Variants in EPHA5 observed in about 807,000 individuals in gnomAD.
EPHA5 encodes the protein ephrin type-A receptor 5.
EPHA5 carries 60 observed loss-of-function variants against 105.0 expected under a neutral mutation model. That is an observed-to-expected ratio of 0.57 (90% CI 0.46 to 0.71). EPHA5 has a LOEUF of 0.71. Among genes scored for constraint, EPHA5 ranks in the 30% least tolerant of loss-of-function variants. EPHA5 has a pLI of 0.00. For synonymous variants in EPHA5, 513 were observed against 449.1 expected (o/e 1.14, Z -1.80); for missense variants, 1,218 against 1,274.7 (o/e 0.96, Z 0.68).
chr4:65,503,476 T>C (rs1444285277), intron 3 of EPHA5, among the ~76,000 whole-genome samples: 1 of 151,716 alleles, frequency 6.6e-6, no homozygotes, highest in African/African-American at 2.4e-5. Flanking sequence ...GTTTAAATGA[T>C]TGAAAACAAT....
chr4:65,439,372 G>A (rs1047964107), intron 5 of EPHA5, among the ~76,000 whole-genome samples: 2 of 151,918 alleles, frequency 1.3e-5, no homozygotes, highest in Admixed American at 6.6e-5. Context: ...AACATAAAAG[G>A]TGCACAATCT....
intron 1 of EPHA5, among the ~76,000 whole-genome samples, chr4:65,660,183 A>C (rs78918018): frequency 0.079 from 12,025 of 152,180 alleles, 758 homozygotes; most frequent in Non-Finnish European, 0.11. Flanking sequence ...TTTTTAAAAA[A>C]ATTCTGCCCT....
intron 5 of EPHA5, among the ~76,000 whole-genome samples, chr4:65,467,609 T>C (rs1322733786): frequency 6.6e-6 from 1 of 152,200 alleles, no homozygotes; most frequent in Admixed American, 6.5e-5. Context: ...GTCAGTGTGC[T>C]GATCTTCAGA....
intron 2 of EPHA5, 136 bp from the exon 3 acceptor site, chr4:65,602,440 G>C (rs1743831410): frequency 1.3e-5 from 8 of 616,606 alleles, no homozygotes; most frequent in Non-Finnish European, 2.1e-5. Flanking sequence ...TTTACAGAAG[G>C]AACTAGATAT....
intron 2 of EPHA5, 149 bp downstream of exon 2, chr4:65,643,214 A>G (rs1747820822): frequency 4.0e-6 from 2 of 496,344 alleles, no homozygotes; most frequent in Non-Finnish European, 7.2e-6. Context: ...GATTAGAGTT[A>G]TTTGAAGTCC....
intron 8 of EPHA5, among the ~76,000 whole-genome samples, chr4:65,384,738 T>G (rs1054424810): frequency 1.3e-5 from 2 of 151,944 alleles, no homozygotes. Flanking sequence ...TAATCTTTAC[T>G]AGTTCAATAA....
chr4:65,389,244 T>C (rs961887671), intron 8 of EPHA5, among the ~76,000 whole-genome samples: 2 of 152,092 alleles, frequency 1.3e-5, no homozygotes, highest in African/African-American at 2.4e-5. Flanking sequence ...CTTAAAAATA[T>C]AGCATTGTGG....
chr4:65,389,114 A>G (rs952546573), intron 8 of EPHA5, among the ~76,000 whole-genome samples: 4 of 152,050 alleles, frequency 2.6e-5, no homozygotes, highest in Admixed American at 6.6e-5. Flanking sequence ...TGTCTGAGGA[A>G]GATTGGACCT....
chr4:65,586,803 T>G (rs1742167189), intron 3 of EPHA5, among the ~76,000 whole-genome samples: 1 of 152,074 alleles, frequency 6.6e-6, no homozygotes. Context: ...TCTGGTAAAG[T>G]TATTGTAAGG....
At chr4:65,443,227 T>C (rs1726184752) in intron 5 of EPHA5, among the ~76,000 whole-genome samples, 1 of 151,976 alleles carries the variant, frequency 6.6e-6, no homozygotes, top group Non-Finnish European at 1.5e-5. Context: ...CATTACTTTT[T>C]TAAAAAGTGT....
At chr4:65,347,463 G>A (rs1044633764) in intron 14 of EPHA5, among the ~76,000 whole-genome samples, 3 of 152,134 alleles carry the variant, frequency 2.0e-5, no homozygotes, top group Non-Finnish European at 4.4e-5. Flanking sequence ...AATAAACGCT[G>A]TGAATTTGAA....
intron 3 of EPHA5, among the ~76,000 whole-genome samples, chr4:65,532,625 A>C (rs1735913665): frequency 7.3e-6 from 1 of 136,464 alleles, no homozygotes; most frequent in Non-Finnish European, 1.6e-5. Context: ...TTTTACTTTC[A>C]ACTCCCCAAT....
intron 5 of EPHA5, among the ~76,000 whole-genome samples, chr4:65,480,450 G>A (rs972749309): frequency 6.6e-6 from 1 of 152,070 alleles, no homozygotes; most frequent in Non-Finnish European, 1.5e-5. Flanking sequence ...ACGGGCCCAG[G>A]CAAGATCTTG....
Position 65,609,627 on chromosome 4 carries a change from G to A in EPHA5, c.247-7323C>T, listed in dbSNP as rs145540671. Among the ~76,000 whole-genome samples the A allele has an allele frequency of 1.2e-3, 168 of 142,806 alleles. 2 individuals carry two copies. The highest frequency in any genetic ancestry group is 4.1e-3 in the African/African-American group (162 of 39,452). The allele number at this position is 142,806 out of a possible 152,430, so 93.7% of individuals were successfully genotyped here. A position where few individuals can be genotyped will look rare whatever the true frequency, so the allele number is the denominator to read the frequency against. The stretch of plus-strand genomic sequence containing the variant: ...AGCTAGATATTTTTTTTTCAACCTG[G>A]AGGAAAAAAATCAGTTTTTTTTTTT... On this transcript the variant is annotated intron_variant, in intron 2 of 16. Transcript: ENST00000613740.
intron 2 of EPHA5, 57 bp downstream of exon 2, chr4:65,643,306 G>A: frequency 3.0e-6 from 4 of 1,322,424 alleles, no homozygotes; most frequent in Non-Finnish European, 4.4e-6. Context: ...TGTGTTACAA[G>A]TATCAAGATG....
chr4:65,472,136 G>A (rs970820145), intron 5 of EPHA5, among the ~76,000 whole-genome samples: 2 of 152,100 alleles, frequency 1.3e-5, no homozygotes, highest in Non-Finnish European at 2.9e-5. Context: ...GAAATTGACC[G>A]AACGAAGGGG....
At chr4:65,517,826 T>A (rs1734256798) in intron 3 of EPHA5, among the ~76,000 whole-genome samples, 1 of 151,944 alleles carries the variant, frequency 6.6e-6, no homozygotes, top group Non-Finnish European at 1.5e-5. Flanking sequence ...CCAAAAAAGT[T>A]TTTCAAAGTT....
At chr4:65,363,955 A>T (rs1460877330) in intron 11 of EPHA5, among the ~76,000 whole-genome samples, 1 of 151,426 alleles carries the variant, frequency 6.6e-6, no homozygotes, top group Non-Finnish European at 1.5e-5. Flanking sequence ...GTTTTATTCC[A>T]TTAAAAAAAT....
At chr4:65,441,213 A>G (rs1336405947) in intron 5 of EPHA5, among the ~76,000 whole-genome samples, 3 of 152,016 alleles carry the variant, frequency 2.0e-5, no homozygotes, top group Non-Finnish European at 2.9e-5. Context: ...AAAGTTGGTG[A>G]TATAAAGTAA....
Sources: allele counts gnomAD v4.1 joint callset (sites outside exome capture counted in the v4.1 genomes callset), GRCh38; gene constraint gnomAD v4.1.1; transcripts MANE v1.5; gene names NCBI Gene and HGNC (gene_info 2026-07-23, HGNC 2026-07-21).